Variants in PDXDC1 observed in about 807,000 individuals in gnomAD.
PDXDC1 encodes pyridoxal dependent decarboxylase domain containing 1.
A neutral mutation model predicts 100.1 loss-of-function variants in PDXDC1; 42 were observed. The ratio of observed to expected loss-of-function variants is 0.42; its 90% CI spans 0.33 to 0.54. The LOEUF is 0.54. Ranked by LOEUF, PDXDC1 falls within the 20% of genes least tolerant of loss-of-function variation. The pLI is 0.10. For synonymous variants in PDXDC1, 260 were observed against 371.7 expected, an observed-to-expected ratio of 0.70 and a Z score of 3.46; for missense variants, 636 against 979.2, an observed-to-expected ratio of 0.65 and a Z score of 4.68.
At chr16:15,065,438 G>A in intron 16 of PDXDC1, 1 of 1,413,172 alleles carries the variant, frequency 7.1e-7, no homozygotes, top group East Asian at 2.3e-5. Context: ...GCAGATGTGA[G>A]CTGCGTGTGA....
intron 16 of PDXDC1, among the ~76,000 whole-genome samples, chr16:15,084,432 C>T (rs1347901654): frequency 6.6e-6 from 1 of 151,810 alleles, no homozygotes; most frequent in Non-Finnish European, 1.5e-5. Flanking sequence ...GGGGGAGGAT[C>T]TGCATACAAA....
At chr16:15,129,053 C>T (rs1598223070) in intron 16 of PDXDC1, among the ~76,000 whole-genome samples, 2 of 151,720 alleles carry the variant, frequency 1.3e-5, no homozygotes, top group South Asian at 4.2e-4. Flanking sequence ...GATTTGCCTG[C>T]CTCGGCCTCC....
At position 15,036,014 on chromosome 16, in the gene PDXDC1, A is replaced by AG; in HGVS notation, c.2108dup. The stretch of plus-strand genomic sequence containing the variant: ...AGCGCAGTCTGTCTGCCCTTTCTGT[A>AG]GGCCAGAAGCCTTTTAAAAGGTCCC... On this transcript the variant is annotated splice_acceptor_variant, in intron 22 of 22. Transcript: ENST00000396410. LOFTEE classifies it high-confidence loss of function. 4 of 1,608,926 alleles carry AG rather than the reference A, an allele frequency of 2.5e-6. No homozygotes were observed. Among genetic ancestry groups the AG allele is most frequent in the Non-Finnish European group, 3.4e-6 (4 of 1,177,456 alleles).
Position 15,026,633 on chromosome 16 carries a change from A to G in PDXDC1, c.1141-10A>G, listed in dbSNP as rs1447616545. 2 of 1,610,008 alleles carry G rather than the reference A, an allele frequency of 1.2e-6. No homozygotes were observed. The highest frequency in any genetic ancestry group is 1.7e-6 in the Non-Finnish European group (2 of 1,177,012). ...TGTTACTTGGTGATATGAGACTTCC[A>G]TTCTTCCAGGTGGAAGATGAGCTCA... On this transcript the variant is annotated splice_polypyrimidine_tract_variant and intron_variant, in intron 13 of 22. Transcript: ENST00000396410.
intron 16 of PDXDC1, chr16:15,047,724 C>T (rs2044132649): frequency 1.1e-6 from 1 of 916,230 alleles, no homozygotes; most frequent in Admixed American, 1.8e-5. Context: ...AGGGAGACAC[C>T]ATGCAGACCA....
chr16:14,999,357 G>A (rs530032297), intron 3 of PDXDC1, among the ~76,000 whole-genome samples: 408 of 152,130 alleles, frequency 2.7e-3, no homozygotes, highest in African/African-American at 9.3e-3. Flanking sequence ...ATAAGCCACC[G>A]CACCTGGCCA....
At chr16:15,005,865 A>G (rs1400440198) in intron 5 of PDXDC1, among the ~76,000 whole-genome samples, 1 of 152,256 alleles carries the variant, frequency 6.6e-6, no homozygotes, top group African/African-American at 2.4e-5. Flanking sequence ...ACACCTCGCA[A>G]TTAGTAGAGA....
intron 16 of PDXDC1, among the ~76,000 whole-genome samples, chr16:15,101,041 G>C (rs1229004972): frequency 6.6e-6 from 1 of 152,056 alleles, no homozygotes; most frequent in Non-Finnish European, 1.5e-5. Flanking sequence ...TATTACTTTG[G>C]GCAATTGCCT....
chr16:15,063,704 C>CAAAAAAAAAAAAAAAA (rs10664930), intron 16 of PDXDC1, among the ~76,000 whole-genome samples: 2 of 89,066 alleles, frequency 2.2e-5, no homozygotes, highest in Non-Finnish European at 4.1e-5. Flanking sequence ...GACTCTGTCT[C>CAAAAAAAAAAAAAAAA]AAAAAAAAAA....
At chr16:15,129,832 C>T (rs2047954212) in intron 16 of PDXDC1, 1 of 750,818 alleles carries the variant, frequency 1.3e-6, no homozygotes, top group South Asian at 1.5e-5. Context: ...GTGCAACCAG[C>T]ACAGCCAGTG....
intron 16 of PDXDC1, among the ~76,000 whole-genome samples, chr16:15,068,629 A>G (rs1338620778): frequency 1.3e-5 from 2 of 152,362 alleles, no homozygotes; most frequent in African/African-American, 4.8e-5. Context: ...GCTAACAATC[A>G]TGACAGGCAA....
chr16:15,011,819 G>A (rs6498537), intron 8 of PDXDC1, among the ~76,000 whole-genome samples: 147,906 of 152,308 alleles, frequency 0.97, 71,757 homozygotes, highest in East Asian at 1. Context: ...GCACGCCACC[G>A]TGCCGGGCTA....
chr16:15,145,557 G>A, the PDXDC1 span, among the ~76,000 whole-genome samples: 2 of 152,254 alleles, frequency 1.3e-5, no homozygotes, highest in African/African-American at 4.8e-5. Context: ...GGTCAGGAAC[G>A]CCAGGCTGGG....
intron 16 of PDXDC1, among the ~76,000 whole-genome samples, chr16:15,082,673 C>T (rs370630570): frequency 2.0e-5 from 3 of 151,280 alleles, no homozygotes; most frequent in Admixed American, 6.6e-5. Flanking sequence ...ACTGTCCCCC[C>T]ACCCCTGAAA....
At chr16:15,044,638 A>G in intron 16 of PDXDC1, 2 of 574,686 alleles carry the variant, frequency 3.5e-6, no homozygotes, top group Non-Finnish European at 6.2e-6. Flanking sequence ...CCGTATCTGA[A>G]CACAAATGTG....
intron 1 of PDXDC1, among the ~76,000 whole-genome samples, chr16:14,978,774 T>C (rs1967284391): frequency 6.6e-6 from 1 of 152,294 alleles, no homozygotes; most frequent in African/African-American, 2.4e-5. Flanking sequence ...CTGGGTATTA[T>C]GTTTAGGCAA....
chr16:15,075,597 G>T (rs2045421361), intron 16 of PDXDC1, among the ~76,000 whole-genome samples: 1 of 152,062 alleles, frequency 6.6e-6, no homozygotes. Flanking sequence ...AGAAAAGAAA[G>T]AAAGAAATGC....
intron 16 of PDXDC1, chr16:15,076,739 T>C (rs2045472930): frequency 3.4e-6 from 3 of 876,250 alleles, no homozygotes; most frequent in Non-Finnish European, 5.6e-6. Flanking sequence ...GATATACGCA[T>C]GTTCAAGGTG....
At chr16:15,129,301 G>C (rs909878338) in intron 16 of PDXDC1, among the ~76,000 whole-genome samples, 2 of 151,152 alleles carry the variant, frequency 1.3e-5, no homozygotes, top group Non-Finnish European at 3.0e-5. Context: ...AACTGGGTGT[G>C]GTGGCGTGCA....
Sources: gnomAD v4.1 joint callset for allele counts (sites outside exome capture counted in the v4.1 genomes callset) on GRCh38, gnomAD v4.1.1 for gene constraint, MANE v1.5 for transcripts, NCBI Gene and HGNC (gene_info 2026-07-23, HGNC 2026-07-21) for gene names.